Variants in PRADC1 observed in about 807,000 individuals in gnomAD.
PRADC1 encodes protease associated domain containing 1, also known as protease-associated domain-containing protein 1.
In PRADC1, 23 loss-of-function variants were observed where a neutral mutation model predicts 22.9. The observed-to-expected ratio is 1.00, with a 90% CI of 0.72 to 1.42. The LOEUF (loss-of-function observed/expected upper bound fraction) is 1.42, where lower values mean the gene tolerates loss of function less well. Ranked by LOEUF, PRADC1 falls within the 40% of genes most tolerant of loss-of-function variation. The probability of loss-of-function intolerance (pLI) is 0.00; values close to 1 mark genes in which losing one functional copy is unlikely to be tolerated. For synonymous variants in PRADC1, 71 were observed against 100.3 expected (o/e 0.71, Z 1.75); for missense variants, 207 against 258.3 (o/e 0.80, Z 1.36).
chr2:73,233,000 G>A, intron 1 of PRADC1, 94 bp downstream of exon 1: 2 of 1,418,140 alleles, frequency 1.4e-6, no homozygotes, highest in South Asian at 1.3e-5. Flanking sequence ...AACTCGCAGG[G>A]TCCCCAAGGT....
Position 73,228,331 on chromosome 2 carries a change from C to T in PRADC1, c.*123G>A. 7.7e-7 allele frequency: 1 copy of T among 1,294,338 alleles called. No homozygotes were observed. Among genetic ancestry groups the T allele is most frequent in the Non-Finnish European group, 1.1e-6 (1 of 929,198 alleles). 80.2% of individuals were successfully genotyped at this position (1,294,338 alleles called of 1,614,324 possible). On this transcript the variant is annotated 3_prime_UTR_variant, in exon 5 of 5. Transcript: ENST00000258083. The surrounding 1 kb of genome is among the most constrained non-coding windows in gnomAD (Gnocchi z 4.0). ...CCTTTCAGCCTAGCAACGCCCAAAC[C>T]CTTTTCCTCTACCTGGCTCCACTTG...
At chr2:73,233,243 T>G, upstream of PRADC1, 1 of 940,860 alleles carries the variant, frequency 1.1e-6, no homozygotes, top group Non-Finnish European at 1.5e-6. Flanking sequence ...GCCTGACAGC[T>G]GCTCCGGCCT....
intron 2 of PRADC1, 176 bp downstream of exon 2, chr2:73,229,937 T>C (rs1226107133): frequency 3.3e-6 from 2 of 608,972 alleles, no homozygotes; most frequent in Non-Finnish European, 5.9e-6. Context: ...AGGTTTATAT[T>C]ATACTCAGGG....
rs1199854481 is a variant in PRADC1 at position 73,228,612 on chromosome 2, C to G, written c.447-38G>C. On this transcript the variant is annotated intron_variant, in intron 4 of 4. Coordinates refer to ENST00000258083, the MANE Select transcript of PRADC1 (RefSeq NM_032319.3). This position sits in a 1 kb window ranked among gnomAD's most constrained non-coding sequence, Gnocchi z 4.0. The stretch of plus-strand genomic sequence containing the variant: ...GAAGAGAGGTGGTGACGGTCACTTT[C>G]TTGGTACCCCATCATGCCCCACTGT... 6.2e-7 allele frequency: 1 copy of G among 1,613,532 alleles called. No individual in the cohort carries two copies. Among genetic ancestry groups the G allele is most frequent in the Non-Finnish European group, 8.5e-7 (1 of 1,179,916 alleles).
In PRADC1 at chr2:73,230,118, T is replaced by TA. The variant is rs1485312063; in HGVS notation, c.162dup (p.Ile55TyrfsTer7). 2.5e-6 allele frequency: 4 copies of TA among 1,610,464 alleles called. No homozygotes were observed. The highest frequency in any genetic ancestry group is 3.4e-6 in the Non-Finnish European group (4 of 1,177,166). ...AGGGGCCTCCCTTAACTTACAAAGA[T>TA]ACCACCAAAGTCCTTGGCAGGTGTG... On this transcript the variant is annotated frameshift_variant, in exon 2 of 5. Coordinates refer to ENST00000258083, the MANE Select transcript of PRADC1 (RefSeq NM_032319.3). LOFTEE classifies it high-confidence loss of function.
In PRADC1 at chr2:73,228,700, A is replaced by G; in HGVS notation, c.446+95T>C. 1.9e-6 allele frequency: 3 copies of G among 1,584,018 alleles called. No homozygotes were observed. Among genetic ancestry groups the G allele is most frequent in the Non-Finnish European group, 2.6e-6 (3 of 1,161,294 alleles). On this transcript the variant is annotated intron_variant, in intron 4 of 4. Coordinates refer to ENST00000258083, the MANE Select transcript of PRADC1 (RefSeq NM_032319.3). This position sits in a 1 kb window ranked among gnomAD's most constrained non-coding sequence, Gnocchi z 4.0. ...TTTTGCCCTCTAACTGAAGCACCCC[A>G]AGTTGAGGCCTGCAAGAAGGGACTG...
In PRADC1 at chr2:73,232,260, C is replaced by G. The variant is rs1167155468; in HGVS notation, c.67+834G>C. 2.0e-5 allele frequency among the ~76,000 whole-genome samples: 3 copies of G among 151,946 alleles called. No homozygotes were observed. In the East Asian group the frequency reaches 5.8e-4, roughly 29 times the overall value. On this transcript the variant is annotated intron_variant, in intron 1 of 4. Transcript: ENST00000258083. ...GCTGAGGCAGGAGAATGGCGTGAAC[C>G]CGGGAGGCGGAGCTTGCAGTGAGCC... is the stretch of plus-strand genomic sequence containing the variant.
Position 73,228,820 on chromosome 2 carries a change from C to T in PRADC1, c.421G>A (p.Ala141Thr), listed in dbSNP as rs746635883. The T allele has an allele frequency of 1.2e-5, 20 of 1,612,480 alleles. No individual in the cohort carries two copies. The highest frequency in any genetic ancestry group is 3.7e-4 in the Middle Eastern group (2 of 5,450). ...CCGTCTCGGCCGAGCAGGAAGAGGG[C>T]GGGGATGTCAGCTGTGCGCTGGGTA... The part of the protein sequence containing the change: ...DSTQRTADIP[A>T]LFLLGRDGYM... Residue 141 changes from alanine (A) to threonine (T), a missense_variant, in exon 4 of 5, where the codon GCC becomes ACC. Transcript: ENST00000258083. The surrounding 1 kb of genome is among the most constrained non-coding windows in gnomAD (Gnocchi z 4.0).
rs766808478 is a variant in PRADC1 at position 73,233,143 on chromosome 2, C to G, written c.18G>C (p.Ala6=). ...GCCAGAGCACGAGACAACACCAGCC[C>G]GCGGCGCCGGGGACCATCTCCAGGG... MVPGA[A]GWCCLVLWLP... Residue 6 remains alanine, a synonymous_variant, in exon 1 of 5, where the codon GCG becomes GCC. Transcript: ENST00000258083. The G allele has an allele frequency of 4.1e-6, 6 of 1,479,426 alleles. No homozygotes were observed. The South Asian group carries it at 5.2e-5, about 13-fold the overall frequency. 91.6% of individuals were successfully genotyped at this position (1,479,426 alleles called of 1,614,324 possible).
At chr2:73,229,210 CAT>C (rs1465524746) in intron 3 of PRADC1, among the ~76,000 whole-genome samples, 6 of 152,084 alleles carry the variant, frequency 3.9e-5, no homozygotes, top group South Asian at 2.1e-4. Context: ...GCAGCCTTAA[CAT>C]GCGGTCAAGC....
chr2:73,228,984 C>T lies in PRADC1; in HGVS notation c.279-22G>A, dbSNP rs1273389457. On this transcript the variant is annotated intron_variant, in intron 3 of 4. Transcript: ENST00000258083. This position sits in a 1 kb window ranked among gnomAD's most constrained non-coding sequence, Gnocchi z 4.0. ...GCCCCTGGAAGAGGTGGTGATAAGA[C>T]CAAAGGAAAGACAGGTCCTAGCTCC... The T allele has an allele frequency of 3.7e-6, 6 of 1,611,954 alleles. No individual in the cohort carries two copies. The South Asian group carries it at 5.5e-5, about 15-fold the overall frequency.
At chr2:73,229,674 G>A in intron 2 of PRADC1, 104 bp from the exon 3 acceptor site, 1 of 857,080 alleles carries the variant, frequency 1.2e-6, no homozygotes, top group Non-Finnish European at 1.9e-6. Context: ...AAAGTGTGAA[G>A]GAAACATGGA....
At position 73,229,464 on chromosome 2, in the gene PRADC1, C is replaced by T; in HGVS notation, c.275G>A (p.Arg92Lys). Residue 92 changes from arginine (R) to lysine (K), a missense_variant, in exon 3 of 5, where the codon AGG becomes AAG. Arg to Lys is a conservative substitution (Grantham distance 26). Coordinates refer to ENST00000258083, the MANE Select transcript of PRADC1 (RefSeq NM_032319.3). ...GTCCTGCCTGCCCACTCCTTACCCCCTCTCCACCAGAGCAATCTGGTCCTG... is the reference window on the plus strand; with the variant it reads ...GTCCTGCCTGCCCACTCCTTACCCCTTCTCCACCAGAGCAATCTGGTCCTG... Reference protein sequence around the residue: ...FIQDQIALVERGGCSFLSKTR... With the variant: ...FIQDQIALVEKGGCSFLSKTR... 1 of 1,612,068 alleles carries T rather than the reference C, an allele frequency of 6.2e-7. No individual in the cohort carries two copies. The highest frequency in any genetic ancestry group is 8.5e-7 in the Non-Finnish European group (1 of 1,178,120).
In PRADC1 at chr2:73,228,454, C is replaced by T. The variant is rs1451850736; in HGVS notation, c.567G>A (p.Ter189=). The T allele has an allele frequency of 2.5e-6, 4 of 1,613,878 alleles. No individual in the cohort carries two copies. The African/African-American group carries it at 4.0e-5, about 16-fold the overall frequency. ...ELLQPPWTFW[*] ...TGGCTGGAATGTGGGACAAACTCTT[C>T]TACCAGAAGGTCCAGGGCGGTTGCA... The change falls in exon 5 of 5, where the codon TAG becomes TAA. Residue 189 remains the stop codon, a stop_retained_variant. Transcript: ENST00000258083. The surrounding 1 kb of genome is among the most constrained non-coding windows in gnomAD (Gnocchi z 4.0).
chr2:73,231,183 G>T (rs945153146), intron 1 of PRADC1, among the ~76,000 whole-genome samples: 14 of 151,106 alleles, frequency 9.3e-5, no homozygotes, highest in African/African-American at 2.7e-4. Flanking sequence ...GCAGTGTTGC[G>T]ATCTAGGCTC....
chr2:73,229,953 G>A (rs1324346322), intron 2 of PRADC1, 160 bp downstream of exon 2: 1 of 624,892 alleles, frequency 1.6e-6, no homozygotes, highest in Non-Finnish European at 2.9e-6. Flanking sequence ...CAGGGGAGTA[G>A]CTGGAAGAGC....
Position 73,229,453 on chromosome 2 carries a change from C to T in PRADC1, c.278+8G>A, listed in dbSNP as rs369409707. On this transcript the variant is annotated splice_region_variant and intron_variant, in intron 3 of 4. Transcript: ENST00000258083. ...CCACTCCTCGTGTCCTGCCTGCCCACTCCTTACCCCCTCTCCACCAGAGCA... is the reference window on the plus strand; with the variant it reads ...CCACTCCTCGTGTCCTGCCTGCCCATTCCTTACCCCCTCTCCACCAGAGCA... The T allele has an allele frequency of 2.5e-6, 4 of 1,604,464 alleles. No homozygotes were observed. The highest frequency in any genetic ancestry group is 2.2e-5 in the East Asian group (1 of 44,852).
At chr2:73,229,619 C>T (rs1479077565) in intron 2 of PRADC1, 49 bp from the exon 3 acceptor site, 2 of 1,419,836 alleles carry the variant, frequency 1.4e-6, no homozygotes, top group African/African-American at 2.8e-5. Flanking sequence ...TGAGACACAC[C>T]TGCTTTAGGA....
chr2:73,232,058 G>T (rs1360493517), intron 1 of PRADC1, among the ~76,000 whole-genome samples: 4 of 152,142 alleles, frequency 2.6e-5, no homozygotes, highest in African/African-American at 4.8e-5. Context: ...TGTCATGGGC[G>T]GGCGCGGTGG....
Sources: allele counts gnomAD v4.1 joint callset (sites outside exome capture counted in the v4.1 genomes callset), GRCh38; gene constraint gnomAD v4.1.1; non-coding constraint Gnocchi (gnomAD v3.1); transcripts MANE v1.5; gene names NCBI Gene and HGNC (gene_info 2026-07-23, HGNC 2026-07-21).